RIMS2: variants seen among roughly 807,000 people sequenced by gnomAD.
RIMS2 encodes regulating synaptic membrane exocytosis protein 2.
A neutral mutation model predicts 174.4 loss-of-function variants in RIMS2; 59 were observed. The ratio of observed to expected loss-of-function variants is 0.34; its 90% CI spans 0.27 to 0.42. The LOEUF (loss-of-function observed/expected upper bound fraction) is 0.42, where lower values mean the gene tolerates loss of function less well. RIMS2 is among the 10% of genes least tolerant of loss of function. The pLI, the probability that RIMS2 is intolerant of heterozygous loss-of-function variation, is 1.00. For synonymous variants in RIMS2, 606 were observed against 572.5 expected (o/e 1.06, Z -0.84); for missense variants, 1,620 against 1,666.3 (o/e 0.97, Z 0.48).
rs571061529 is a variant in RIMS2, at chr8:103,785,481, G to A, written c.698+18944G>A. Among the ~76,000 whole-genome samples the A allele has an allele frequency of 1.8e-4, 27 of 152,106 alleles. 1 individual carries two copies. The South Asian group carries it at 2.3e-3, about 13-fold the overall frequency. ...TTTATTGAGAGTTTTTAGCATGAAG[G>A]GTTGTTGAATTTTGTCAAAGGCTTT... On this transcript the variant is annotated intron_variant, in intron 3 of 23. Coordinates refer to ENST00000504942, the Ensembl canonical transcript of RIMS2.
At position 104,068,617 on chromosome 8, in the gene RIMS2, G is replaced by A. The variant is rs754418198; in HGVS notation, c.3334+54002G>A. The A allele has an allele frequency of 3.5e-6, 5 of 1,439,570 alleles. No homozygotes were observed. In the Admixed American group the frequency reaches 5.6e-5, roughly 16 times the overall value. 89.2% of individuals were successfully genotyped at this position (1,439,570 alleles called of 1,614,324 possible). ...GAACAAGATTACCATTCGAAGGCAA[G>A]ACATTTTTCTTTTTAAAAGTTGTAA... On this transcript the variant is annotated intron_variant, in intron 19 of 23. Transcript: ENST00000504942.
chr8:103,656,416 G>T (rs1330429396), intron 1 of RIMS2, among the ~76,000 whole-genome samples: 9 of 152,096 alleles, frequency 5.9e-5, no homozygotes, highest in Admixed American at 5.9e-4. Context: ...CCTAGAGAGA[G>T]AGTGTGTGAT....
rs899105444 is a variant in RIMS2 at position 104,148,507 on chromosome 8, GA to G, written c.3335-96408del. On this transcript the variant is annotated intron_variant, in intron 19 of 23. Transcript: ENST00000504942. ...ACTCCTAAAAATATATTCCATAGATGATATAATTTAATTATACTCCAAATGT... is the reference window on the plus strand; with the variant it reads ...ACTCCTAAAAATATATTCCATAGATGTATAATTTAATTATACTCCAAATGT... 25 of 1,098,114 alleles carry G rather than the reference GA, an allele frequency of 2.3e-5. No individual in the cohort carries two copies. The Admixed American group carries it at 5.0e-4, about 22-fold the overall frequency. The allele number at this position is 1,098,114 out of a possible 1,614,324, so 68.0% of individuals were successfully genotyped here.
intron 19 of RIMS2, among the ~76,000 whole-genome samples, chr8:104,062,253 A>T (rs2097013026): frequency 6.6e-6 from 1 of 152,110 alleles, no homozygotes; most frequent in African/African-American, 2.4e-5. Context: ...AAAATACAAC[A>T]ATTAGCTGGG....
chr8:103,841,390 A>C (rs2098938925), intron 3 of RIMS2, among the ~76,000 whole-genome samples: 1 of 152,002 alleles, frequency 6.6e-6, no homozygotes, highest in Non-Finnish European at 1.5e-5. Context: ...CTCTTTTTAA[A>C]AATCTTTTTT....
chr8:104,198,333 C>CT (rs2099036327), intron 19 of RIMS2, among the ~76,000 whole-genome samples: 1 of 152,210 alleles, frequency 6.6e-6, no homozygotes, highest in Admixed American at 6.5e-5. Flanking sequence ...ACTTGTGCCC[C>CT]TGTTATGGTG....
chr8:103,753,876 C>T (rs1292512207), intron 2 of RIMS2, among the ~76,000 whole-genome samples: 1 of 152,150 alleles, frequency 6.6e-6, no homozygotes, highest in Non-Finnish European at 1.5e-5. Flanking sequence ...TTTAAAAACA[C>T]CAGCTCCTGG....
At chr8:103,693,080 T>C (rs927193785) in intron 1 of RIMS2, among the ~76,000 whole-genome samples, 2 of 152,198 alleles carry the variant, frequency 1.3e-5, no homozygotes, top group Non-Finnish European at 2.9e-5. Flanking sequence ...GGCAATTCAC[T>C]TCTGGCTAGG....
chr8:103,728,233 G>T (rs999721540), intron 2 of RIMS2, among the ~76,000 whole-genome samples: 3 of 151,882 alleles, frequency 2.0e-5, no homozygotes, highest in African/African-American at 7.2e-5. Flanking sequence ...TTCTTTTTCA[G>T]ATTTTTTACT....
At chr8:104,079,464 A>G (rs2097364647) in intron 19 of RIMS2, among the ~76,000 whole-genome samples, 1 of 151,704 alleles carries the variant, frequency 6.6e-6, no homozygotes, top group African/African-American at 2.4e-5. Context: ...AATGAATTAT[A>G]GTAGACTACA....
chr8:103,896,223 G>A (rs1210409894), intron 4 of RIMS2, among the ~76,000 whole-genome samples: 1 of 151,476 alleles, frequency 6.6e-6, no homozygotes, highest in Non-Finnish European at 1.5e-5. Context: ...TACTGGGTTT[G>A]CCTCTTTTAG....
intron 1 of RIMS2, among the ~76,000 whole-genome samples, chr8:103,564,135 A>G (rs1019468622): frequency 2.6e-5 from 4 of 152,196 alleles, no homozygotes; most frequent in African/African-American, 9.7e-5. Flanking sequence ...TGCACAGGAG[A>G]AGAACATAAC....
chr8:103,907,753 A>G (rs2074759698), intron 4 of RIMS2, among the ~76,000 whole-genome samples: 4 of 148,802 alleles, frequency 2.7e-5, no homozygotes, highest in Admixed American at 2.7e-4. Flanking sequence ...TTTATTTTTT[A>G]TGTTTTTTTT....
intron 3 of RIMS2, chr8:103,880,495 A>G (rs1181348351): frequency 1.6e-5 from 6 of 378,934 alleles, no homozygotes; most frequent in Non-Finnish European, 2.8e-5. Flanking sequence ...GTTTTTGTGT[A>G]ATTTTTTAGT....
intron 1 of RIMS2, among the ~76,000 whole-genome samples, chr8:103,595,970 T>C (rs1213964591): frequency 1.3e-5 from 2 of 151,958 alleles, no homozygotes; most frequent in Non-Finnish European, 2.9e-5. Context: ...CTCTTACAAA[T>C]CATGTTGCTG....
intron 1 of RIMS2, among the ~76,000 whole-genome samples, chr8:103,620,083 T>C (rs1454071999): frequency 6.6e-6 from 1 of 150,972 alleles, no homozygotes; most frequent in African/African-American, 2.4e-5. Context: ...TGAGCCACTA[T>C]ACTTATGAAT....
At chr8:104,227,979 A>G (rs2099198937) in intron 19 of RIMS2, among the ~76,000 whole-genome samples, 1 of 152,052 alleles carries the variant, frequency 6.6e-6, no homozygotes. Flanking sequence ...AAACTGGAAT[A>G]AAAAGACCTA....
intron 16 of RIMS2, among the ~76,000 whole-genome samples, chr8:103,979,412 T>C (rs989129690): frequency 6.6e-6 from 1 of 152,148 alleles, no homozygotes; most frequent in African/African-American, 2.4e-5. Context: ...ATGAAAACAG[T>C]ATGGAGGTAC....
chr8:103,561,647 C>G (rs1156832436), intron 1 of RIMS2, among the ~76,000 whole-genome samples: 1 of 152,144 alleles, frequency 6.6e-6, no homozygotes, highest in African/African-American at 2.4e-5. Context: ...CCTATTATAT[C>G]TTGAGTTAAT....
Sources: gnomAD v4.1 joint callset for allele counts (sites outside exome capture counted in the v4.1 genomes callset) on GRCh38, gnomAD v4.1.1 for gene constraint, MANE v1.5 for transcripts, NCBI Gene and HGNC (gene_info 2026-07-23, HGNC 2026-07-21) for gene names.